ACKR4: variants seen among roughly 807,000 people sequenced by gnomAD.
ACKR4 encodes atypical chemokine receptor 4, also known as C-C CKR-11.
A neutral mutation model predicts 8.5 loss-of-function variants in ACKR4; 2 were observed. That is an observed-to-expected ratio of 0.23 (90% CI 0.10 to 0.74). The LOEUF is 0.74. Ranked by LOEUF, ACKR4 falls within the 30% of genes least tolerant of loss-of-function variation. The pLI is 0.75. For synonymous variants in ACKR4, 67 were observed against 145.0 expected (o/e 0.46, Z 3.86); for missense variants, 167 against 422.1 (o/e 0.40, Z 5.30).
chr3:132,597,374 C>T (rs190566734), intron 1 of ACKR4, 51 bp downstream of exon 1: 12 of 150,382 alleles, frequency 8.0e-5, no homozygotes, highest in African/African-American at 2.4e-4. Flanking sequence ...TTTTTAAGCC[C>T]AAAGATCTTG....
At chr3:132,597,345 T>C (rs1938357573) in intron 1 of ACKR4, 22 bp downstream of exon 1, 1 of 152,148 alleles carries the variant, frequency 6.6e-6, no homozygotes, top group Non-Finnish European at 1.5e-5. Context: ...ATTTCTTTTC[T>C]TATTCTGACT....
intron 1 of ACKR4, among the ~76,000 whole-genome samples, chr3:132,598,251 A>C (rs1331669865): frequency 6.6e-6 from 1 of 152,244 alleles, no homozygotes; most frequent in East Asian, 1.9e-4. Flanking sequence ...TATTTTATAC[A>C]TTCCAAAACT....
intron 1 of ACKR4, among the ~76,000 whole-genome samples, chr3:132,597,744 T>C (rs1938378249): frequency 6.6e-6 from 1 of 152,082 alleles, no homozygotes; most frequent in Non-Finnish European, 1.5e-5. Context: ...TAAGATTAAT[T>C]CTTACTTAAA....
chr3:132,598,098 CTG>C (rs1475341783), intron 1 of ACKR4, among the ~76,000 whole-genome samples: 3 of 152,042 alleles, frequency 2.0e-5, no homozygotes, highest in Admixed American at 6.5e-5. Flanking sequence ...AGTTGGCACA[CTG>C]TTTTAAAAAT....
At chr3:132,599,773 C>G (rs1487884001) in intron 1 of ACKR4, among the ~76,000 whole-genome samples, 1 of 151,988 alleles carries the variant, frequency 6.6e-6, no homozygotes, top group African/African-American at 2.4e-5. Context: ...ATACAATAAG[C>G]AAGTAGTGAC....
intron 1 of ACKR4, among the ~76,000 whole-genome samples, chr3:132,598,200 A>T (rs1402665645): frequency 6.6e-6 from 1 of 152,224 alleles, no homozygotes; most frequent in African/African-American, 2.4e-5. Context: ...AAGAAAAAGG[A>T]AAACAAAATT....
At position 132,600,961 on chromosome 3, in the gene ACKR4, C is replaced by T; in HGVS notation, c.564C>T (p.Phe188=). 3 of 1,612,104 alleles carry T rather than the reference C, an allele frequency of 1.9e-6. No homozygotes were observed. Among genetic ancestry groups the T allele is most frequent in the Non-Finnish European group, 1.7e-6 (2 of 1,179,054 alleles). Reference sequence around the variant, plus strand: ...ACAATGCTAGGTGCATTCCCATTTTCCCCCGCTACCTAGGAACATCAATGA... The same window carrying T: ...ACAATGCTAGGTGCATTCCCATTTTTCCCCGCTACCTAGGAACATCAATGA... ...VNDNARCIPI[F]PRYLGTSMKA... The change falls in exon 2 of 2, where the codon TTC becomes TTT. Residue 188 remains phenylalanine, a synonymous_variant. Coordinates refer to ENST00000249887, the MANE Select transcript of ACKR4 (RefSeq NM_016557.4).
In ACKR4 at chr3:132,600,531, C is replaced by A; in HGVS notation, c.134C>A (p.Pro45His). 1 of 1,613,916 alleles carries A rather than the reference C, an allele frequency of 6.2e-7. No individual in the cohort carries two copies. Reference protein sequence around the residue: ...DVREFAKVFLPVFLTIVFVIG... With the variant: ...DVREFAKVFLHVFLTIVFVIG... ...AGAGAATTTGCAAAAGTTTTCCTCC[C>A]TGTATTCCTCACAATAGTTTTCGTC... Residue 45 changes from proline to histidine, a missense_variant, in exon 2 of 2, where the codon CCT (proline) becomes CAT (histidine). Around this residue, in one of 2 missense-constraint regions of ACKR4, gnomAD observed 149 missense variants for 281.9 expected, o/e 0.53. Coordinates refer to ENST00000249887, the MANE Select transcript of ACKR4 (RefSeq NM_016557.4).
At chr3:132,599,134 A>C (rs1302886429) in intron 1 of ACKR4, among the ~76,000 whole-genome samples, 1 of 152,094 alleles carries the variant, frequency 6.6e-6, no homozygotes, top group Non-Finnish European at 1.5e-5. Flanking sequence ...GCAACCTGGC[A>C]AAACCCCGTC....
rs1179963124 is a variant in ACKR4 at position 132,600,500 on chromosome 3, G to A, written c.103G>A (p.Asp35Asn). 2.5e-6 allele frequency: 4 copies of A among 1,613,880 alleles called. No homozygotes were observed. Among genetic ancestry groups the A allele is most frequent in the Non-Finnish European group, 3.4e-6 (4 of 1,179,846 alleles). Residue 35 changes from aspartate (D) to asparagine (N), a missense_variant, in exon 2 of 2, where the codon GAT becomes AAT. Transcript: ENST00000249887. ...SQYELICIKE[D>N]VREFAKVFLP... ...ATATGAACTGATCTGTATCAAAGAA[G>A]ATGTCAGAGAATTTGCAAAAGTTTT...
At chr3:132,600,293 T>A (rs1938510647) in intron 1 of ACKR4, 96 bp from the exon 2 acceptor site, 4 of 1,047,732 alleles carry the variant, frequency 3.8e-6, no homozygotes, top group Non-Finnish European at 5.5e-6. Flanking sequence ...AGCAACAGGC[T>A]ATACTCTAGG....
chr3:132,600,696 A>T lies in ACKR4; in HGVS notation c.299A>T (p.Asn100Ile). 6.2e-7 allele frequency: 1 copy of T among 1,613,878 alleles called. No individual in the cohort carries two copies. Among genetic ancestry groups the T allele is most frequent in the Non-Finnish European group, 8.5e-7 (1 of 1,179,844 alleles). ...LLFTLPFWAV[N>I]AVHGWVLGKI... The stretch of plus-strand genomic sequence containing the variant: ...TTCACTCTGCCTTTTTGGGCTGTTA[A>T]TGCAGTTCATGGGTGGGTTTTAGGG... The change falls in exon 2 of 2, where the codon AAT (asparagine) becomes ATT (isoleucine). Residue 100 changes from asparagine to isoleucine, a missense_variant. Transcript: ENST00000249887.
rs1938539608 is a variant in ACKR4 at position 132,600,692 on chromosome 3, G to A, written c.295G>A (p.Val99Ile). The change falls in exon 2 of 2, where the codon GTT becomes ATT. Residue 99 changes from valine (V) to isoleucine (I), a missense_variant. Transcript: ENST00000249887. Reference sequence around the variant, plus strand: ...TCTATTCACTCTGCCTTTTTGGGCTGTTAATGCAGTTCATGGGTGGGTTTT... The same window carrying A: ...TCTATTCACTCTGCCTTTTTGGGCTATTAATGCAGTTCATGGGTGGGTTTT... ...LLLFTLPFWA[V>I]NAVHGWVLGK... 6.2e-7 allele frequency: 1 copy of A among 1,613,744 alleles called. No homozygotes were observed. Among genetic ancestry groups the A allele is most frequent in the African/African-American group, 1.3e-5 (1 of 74,906 alleles).
chr3:132,599,549 C>T (rs907351125), intron 1 of ACKR4, among the ~76,000 whole-genome samples: 1 of 151,798 alleles, frequency 6.6e-6, no homozygotes, highest in Non-Finnish European at 1.5e-5. Flanking sequence ...AAAGATATTG[C>T]AGTAGGCTAG....
intron 1 of ACKR4, among the ~76,000 whole-genome samples, chr3:132,599,719 A>C (rs1375517984): frequency 6.6e-6 from 1 of 152,132 alleles, no homozygotes; most frequent in East Asian, 1.9e-4. Context: ...AAGCAGGCTT[A>C]CAGCTTAGAT....
rs1321454598 is a variant in ACKR4, at chr3:132,602,193, A to T, written c.*743A>T. 1 of 157,844 alleles carries T rather than the reference A, an allele frequency of 6.3e-6. No individual in the cohort carries two copies. The highest frequency in any genetic ancestry group is 2.5e-5 in the African/African-American group (1 of 39,696). 9.8% of individuals were successfully genotyped at this position (157,844 alleles called of 1,614,324 possible). ...AATCCACCTCCTCCAAAAAAGCAAT[A>T]AAAAAAAAACAAACTATAATAAGCT... On this transcript the variant is annotated 3_prime_UTR_variant, in exon 2 of 2. Coordinates refer to ENST00000249887, the MANE Select transcript of ACKR4 (RefSeq NM_016557.4).
rs542111633 is a variant in ACKR4 at position 132,601,779 on chromosome 3, A to G, written c.*329A>G. 7.4e-6 allele frequency: 3 copies of G among 403,458 alleles called. No individual in the cohort carries two copies. The East Asian group carries it at 1.8e-4, about 25-fold the overall frequency. 25.0% of individuals were successfully genotyped at this position (403,458 alleles called of 1,614,324 possible). On this transcript the variant is annotated 3_prime_UTR_variant, in exon 2 of 2. Transcript: ENST00000249887. Reference sequence around the variant, plus strand: ...GCTTATACAAATCTACACAAGTGATAAAATGACACAGAACTATATACACAC... The same window carrying G: ...GCTTATACAAATCTACACAAGTGATGAAATGACACAGAACTATATACACAC...
Position 132,600,680 on chromosome 3 carries a change from C to T in ACKR4, c.283C>T (p.Pro95Ser), listed in dbSNP as rs774261094. Residue 95 changes from proline (P) to serine (S), a missense_variant, in exon 2 of 2, where the codon CCT becomes TCT. This residue lies in a region of ACKR4 where 149 missense variants were observed against 281.9 expected (regional missense o/e 0.53). Coordinates refer to ENST00000249887, the MANE Select transcript of ACKR4 (RefSeq NM_016557.4). ...VADLLLLFTL[P>S]FWAVNAVHGW... ...AGATTTACTCCTTCTATTCACTCTG[C>T]CTTTTTGGGCTGTTAATGCAGTTCA... The T allele has an allele frequency of 2.5e-5, 41 of 1,613,780 alleles. No homozygotes were observed. Among genetic ancestry groups the T allele is most frequent in the Non-Finnish European group, 3.2e-5 (38 of 1,179,804 alleles).
rs181499241 is a variant in ACKR4, at chr3:132,597,404, G to A, written c.-10+81G>A. 303 of 150,132 alleles carry A rather than the reference G, an allele frequency of 2.0e-3. 3 individuals are homozygous for A. The highest frequency in any genetic ancestry group is 7.1e-3 in the African/African-American group (291 of 40,798). 9.3% of individuals were successfully genotyped at this position (150,132 alleles called of 1,614,324 possible). A position where few individuals can be genotyped will look rare whatever the true frequency, so the allele number is the denominator to read the frequency against. ...ATCTTGTATATTTACTTATATAGAT[G>A]GAGTCTTGATGCATAAAAGTTTAAA... On this transcript the variant is annotated intron_variant, in intron 1 of 1. Coordinates refer to ENST00000249887, the MANE Select transcript of ACKR4 (RefSeq NM_016557.4).
Sources: gnomAD v4.1 joint callset for allele counts (sites outside exome capture counted in the v4.1 genomes callset) on GRCh38, gnomAD v4.1.1 for gene constraint, gnomAD v4.1.1 regional missense constraint, MANE v1.5 for transcripts, NCBI Gene and HGNC (gene_info 2026-07-23, HGNC 2026-07-21) for gene names.